The following CCDC180 variants were observed in gnomAD, a reference collection of about 807,000 sequenced individuals.
CCDC180 encodes the protein coiled-coil domain containing 180.
A neutral mutation model predicts 209.2 loss-of-function variants in CCDC180; 154 were observed. That is an observed-to-expected ratio of 0.74 (90% CI 0.65 to 0.84). The LOEUF (loss-of-function observed/expected upper bound fraction) is 0.84. CCDC180 is among the 40% of genes least tolerant of loss of function. CCDC180 has a pLI of 0.00. For missense variants in CCDC180, 1,874 were observed against 1,997.3 expected (o/e 0.94, Z 1.18); for synonymous variants, 778 against 749.1 (o/e 1.04, Z -0.63).
At chr9:97,369,075 G>C (rs1414696388) in intron 31 of CCDC180, among the ~76,000 whole-genome samples, 2 of 152,184 alleles carry the variant, frequency 1.3e-5, no homozygotes, top group African/African-American at 4.8e-5. Context: ...AAAATTAAGA[G>C]TTGAAATTTT....
intron 26 of CCDC180, among the ~76,000 whole-genome samples, chr9:97,361,254 T>A (rs1157800354): frequency 6.6e-6 from 1 of 152,210 alleles, no homozygotes; most frequent in South Asian, 2.1e-4. Flanking sequence ...TGGCATTCAC[T>A]CCTCCATCCA....
At chr9:97,362,033 A>G in intron 27 of CCDC180, 135 bp downstream of exon 27, 1 of 1,368,596 alleles carries the variant, frequency 7.3e-7, no homozygotes, top group Non-Finnish European at 9.9e-7. Flanking sequence ...ACCTCAGGCA[A>G]AGGGCTTCCC....
Position 97,347,422 on chromosome 9 carries a change from G to C in CCDC180, c.2607G>C (p.Glu869Asp), listed in dbSNP as rs773311088. Residue 869 changes from glutamate (E) to aspartate (D), a missense_variant, in exon 20 of 37, where the codon GAG becomes GAC. Coordinates refer to ENST00000529487, the MANE Select transcript of CCDC180 (RefSeq NM_020893.6). ...TKINELDSELELHLHLHQPRA... is the reference protein window; with the variant it reads ...TKINELDSELDLHLHLHQPRA... ...TCAATGAGCTGGATTCAGAACTGGA[G>C]CTGCATCTGCACCTGCACCAGCCAA... 40 of 1,536,006 alleles carry C rather than the reference G, an allele frequency of 2.6e-5. No individual in the cohort carries two copies. Among genetic ancestry groups the C allele is most frequent in the Non-Finnish European group, 3.5e-5 (40 of 1,146,932 alleles).
At chr9:97,353,084 C>T (rs548079341) in intron 22 of CCDC180, among the ~76,000 whole-genome samples, 1 of 152,226 alleles carries the variant, frequency 6.6e-6, no homozygotes, top group African/African-American at 2.4e-5. Context: ...GCAACCTCCA[C>T]CTCCTGGGTT....
At chr9:97,367,489 CAG>C (rs1491017784) in intron 31 of CCDC180, among the ~76,000 whole-genome samples, 2 of 144,554 alleles carry the variant, frequency 1.4e-5, no homozygotes, top group East Asian at 4.2e-4. Flanking sequence ...TTTTCTGAGA[CAG>C]AGTCTCACTC....
chr9:97,373,577 ACTC>A (rs1427501099), intron 34 of CCDC180: 3 of 152,098 alleles, frequency 2.0e-5, no homozygotes, highest in Admixed American at 6.5e-5. Flanking sequence ...GCCAGTCAAC[ACTC>A]CTCCTCTTCA....
Position 97,377,237 on chromosome 9 carries a change from G to T in CCDC180, c.*343G>T. The stretch of plus-strand genomic sequence containing the variant: ...CGTCATCTTGAAAAATGAAATAAAG[G>T]TCATGGGAAAATGATATTTTAATTT... On this transcript the variant is annotated 3_prime_UTR_variant, in exon 37 of 37. Transcript: ENST00000529487. 5.6e-6 allele frequency: 1 copy of T among 177,254 alleles called. No homozygotes were observed. Among genetic ancestry groups the T allele is most frequent in the Non-Finnish European group, 1.2e-5 (1 of 83,364 alleles). The allele number at this position is 177,254 out of a possible 1,614,324, so 11.0% of individuals were successfully genotyped here.
Position 97,323,789 on chromosome 9 carries a change from G to C in CCDC180, c.1257G>C (p.Leu419=), listed in dbSNP as rs1277129404. The C allele has an allele frequency of 1.3e-6, 2 of 1,558,792 alleles. No individual in the cohort carries two copies. Among genetic ancestry groups the C allele is most frequent in the African/African-American group, 2.7e-5 (2 of 73,576 alleles). Residue 419 remains leucine (L), a synonymous_variant, in exon 13 of 37, where the codon CTG becomes CTC. Transcript: ENST00000529487. ...TGTCCCACACACTCCAGAAGCAGCTGCTGGACTGGAAAGCCTTCACTGAGG... is the reference window on the plus strand; with the variant it reads ...TGTCCCACACACTCCAGAAGCAGCTCCTGGACTGGAAAGCCTTCACTGAGG... ...LMHVQNCKKQ[L]LDWKAFTEEE...
intron 2 of CCDC180, among the ~76,000 whole-genome samples, chr9:97,308,591 T>G (rs945691192): frequency 1.3e-5 from 2 of 152,228 alleles, no homozygotes; most frequent in African/African-American, 4.8e-5. Context: ...CATAACTGTA[T>G]TAAAGTAAAG....
chr9:97,334,365 A>G (rs1035324373), intron 18 of CCDC180, among the ~76,000 whole-genome samples: 2 of 152,208 alleles, frequency 1.3e-5, no homozygotes, highest in African/African-American at 4.8e-5. Flanking sequence ...TTTAATCTGC[A>G]TGACTAATCT....
chr9:97,317,816 A>T (rs1294223771), intron 9 of CCDC180, among the ~76,000 whole-genome samples: 1 of 152,180 alleles, frequency 6.6e-6, no homozygotes, highest in Non-Finnish European at 1.5e-5. Context: ...GCCCTTGAAC[A>T]TTCGGAATCT....
intron 29 of CCDC180, chr9:97,364,488 G>A (rs1026331555): frequency 4.8e-5 from 11 of 228,328 alleles, no homozygotes; most frequent in East Asian, 1.7e-4. Context: ...GTTCAACTTA[G>A]TATAGCTTCA....
rs1356770699 is a variant in CCDC180 at position 97,374,502 on chromosome 9, G to A, written c.4601-41G>A. ...AGGGGAAATCCCTCGATCTCAGGCT[G>A]TCGGTGAGGCTGCAGTCACTAGCCT... On this transcript the variant is annotated intron_variant, in intron 34 of 36. Coordinates refer to ENST00000529487, the MANE Select transcript of CCDC180 (RefSeq NM_020893.6). 3 of 1,480,608 alleles carry A rather than the reference G, an allele frequency of 2.0e-6. No homozygotes were observed. In the African/African-American group the frequency reaches 4.2e-5, roughly 21 times the overall value. 91.7% of individuals were successfully genotyped at this position (1,480,608 alleles called of 1,614,324 possible). A position where few individuals can be genotyped will look rare whatever the true frequency, so the allele number is the denominator to read the frequency against.
intron 21 of CCDC180, among the ~76,000 whole-genome samples, chr9:97,349,585 A>G (rs1826367035): frequency 6.6e-6 from 1 of 152,190 alleles, no homozygotes; most frequent in Non-Finnish European, 1.5e-5. Context: ...CTCAGGAAAA[A>G]TCAGGGAGGG....
In CCDC180 at chr9:97,361,713, C is replaced by G. The variant is rs1826758161; in HGVS notation, c.3484-13C>G. 1 of 1,613,320 alleles carries G rather than the reference C, an allele frequency of 6.2e-7. No individual in the cohort carries two copies. The highest frequency in any genetic ancestry group is 8.5e-7 in the Non-Finnish European group (1 of 1,179,740). Reference sequence around the variant, plus strand: ...GGTCCTTACACCCTCAGGCCCTTCTCTCTGGCCTGCAGAACACCATCCTGA... The same window carrying G: ...GGTCCTTACACCCTCAGGCCCTTCTGTCTGGCCTGCAGAACACCATCCTGA... On this transcript the variant is annotated splice_polypyrimidine_tract_variant and intron_variant, in intron 26 of 36. Coordinates refer to ENST00000529487, the MANE Select transcript of CCDC180 (RefSeq NM_020893.6).
intron 21 of CCDC180, among the ~76,000 whole-genome samples, chr9:97,350,192 C>T (rs1403557455): frequency 2.6e-5 from 4 of 151,632 alleles, no homozygotes; most frequent in South Asian, 2.1e-4. Context: ...CACCCATCAG[C>T]GTTGTGCCCC....
intron 3 of CCDC180, among the ~76,000 whole-genome samples, chr9:97,311,326 C>T (rs1360627563): frequency 6.6e-6 from 1 of 152,214 alleles, no homozygotes; most frequent in East Asian, 1.9e-4. Flanking sequence ...TTGGCCTGGG[C>T]CCCATCAGCT....
chr9:97,312,537 T>A (rs1189287297), intron 4 of CCDC180, among the ~76,000 whole-genome samples: 1 of 152,210 alleles, frequency 6.6e-6, no homozygotes, highest in Non-Finnish European at 1.5e-5. Flanking sequence ...AGTTTGACCT[T>A]ATCCTAATAT....
Position 97,370,019 on chromosome 9 carries a change from C to A in CCDC180, c.4287C>A (p.Phe1429Leu), listed in dbSNP as rs1400927033. Residue 1429 changes from phenylalanine to leucine, a missense_variant, in exon 32 of 37, where the codon TTC (phenylalanine) becomes TTA (leucine). Transcript: ENST00000529487. The part of the protein sequence containing the change: ...NFKEHHWKKF[F>L]TSVKEIRGQF... The stretch of plus-strand genomic sequence containing the variant: ...AGGAACACCACTGGAAAAAGTTTTT[C>A]ACCTCTGTGAAGGAGATCCGAGGAC... 1 of 1,614,184 alleles carries A rather than the reference C, an allele frequency of 6.2e-7. No individual in the cohort carries two copies.
Sources: allele counts gnomAD v4.1 joint callset (sites outside exome capture counted in the v4.1 genomes callset), GRCh38; gene constraint gnomAD v4.1.1; transcripts MANE v1.5; gene names NCBI Gene and HGNC (gene_info 2026-07-23, HGNC 2026-07-21).